Variants in EMG1 observed in about 807,000 individuals in gnomAD.
EMG1 encodes ribosomal RNA small subunit methyltransferase NEP1.
A neutral mutation model predicts 26.9 loss-of-function variants in EMG1; 24 were observed. The ratio of observed to expected loss-of-function variants is 0.89; its 90% CI spans 0.65 to 1.26. The LOEUF is 1.26. EMG1 is among the 50% of genes most tolerant of loss of function. EMG1 has a pLI of 0.00. For synonymous variants in EMG1, 140 were observed against 112.6 expected (o/e 1.24, Z -1.54); for missense variants, 299 against 307.6 (o/e 0.97, Z 0.21).
In EMG1 at chr12:6,978,709, G is replaced by A. The variant is rs782233584; in HGVS notation, c.*2900G>A. 1.7e-5 allele frequency: 27 copies of A among 1,612,880 alleles called. No homozygotes were observed. The highest frequency in any genetic ancestry group is 8.9e-5 in the East Asian group (4 of 44,890). ...GTGGTTCTTGAGGGAAGAAAGCACA[G>A]TGCATTAGGGATATCACATGACTAG... On this transcript the variant is annotated 3_prime_UTR_variant, in exon 6 of 6. Coordinates refer to ENST00000599672, the MANE Select transcript of EMG1 (RefSeq NM_006331.8).
At chr12:6,989,348 C>T (rs1946564745), downstream of EMG1, among the ~76,000 whole-genome samples, 1 of 143,028 alleles carries the variant, frequency 7.0e-6, no homozygotes, top group Non-Finnish European at 1.5e-5. Context: ...GAGTCTCTGT[C>T]GCCCAGGCTG....
Position 6,975,683 on chromosome 12 carries a change from G to C in EMG1, c.622-13G>C, listed in dbSNP as rs1555153056. 2.6e-6 allele frequency: 4 copies of C among 1,565,572 alleles called. No homozygotes were observed. Among genetic ancestry groups the C allele is most frequent in the South Asian group, 2.2e-5 (2 of 90,122 alleles). On this transcript the variant is annotated splice_polypyrimidine_tract_variant and intron_variant, in intron 5 of 5. Transcript: ENST00000599672. ...AGTGACAGAGTTGGCTGACAAAACTGTTCTTTTCTTAGGTCAGTGTGGAGT... is the reference window on the plus strand; with the variant it reads ...AGTGACAGAGTTGGCTGACAAAACTCTTCTTTTCTTAGGTCAGTGTGGAGT...
chr12:6,988,391 G>A (rs782609584), downstream of EMG1: 1 of 152,264 alleles, frequency 6.6e-6, no homozygotes, highest in Non-Finnish European at 1.5e-5. Flanking sequence ...TGACAACCCA[G>A]GCTGATTTTG....
Position 6,978,640 on chromosome 12 carries a change from A to T in EMG1, c.*2831A>T. ...ACAGGTGACATATTTGTACAGCACA[A>T]ACTTGCCCCAGATCAGCATGTACAT... On this transcript the variant is annotated 3_prime_UTR_variant, in exon 6 of 6. Transcript: ENST00000599672. 1 of 1,614,194 alleles carries T rather than the reference A, an allele frequency of 6.2e-7. No individual in the cohort carries two copies. The highest frequency in any genetic ancestry group is 1.1e-5 in the South Asian group (1 of 91,080).
intron 7 of EMG1, among the ~76,000 whole-genome samples, chr12:6,995,748 A>G (rs1946631065): frequency 6.6e-6 from 1 of 152,070 alleles, no homozygotes; most frequent in South Asian, 2.1e-4. Context: ...AGAAACCATC[A>G]ATAGCTCCCA....
chr12:6,982,566 G>C, downstream of EMG1: 1 of 753,848 alleles, frequency 1.3e-6, no homozygotes, highest in Non-Finnish European at 2.3e-6. Context: ...AGTGCTGGGA[G>C]AGGGGTTAGA....
intron 7 of EMG1, among the ~76,000 whole-genome samples, chr12:6,994,420 C>A (rs782358943): frequency 2.0e-5 from 3 of 152,108 alleles, no homozygotes; most frequent in Non-Finnish European, 4.4e-5. Context: ...GTTGGCCAGG[C>A]TAGTCTCGAA....
downstream of EMG1, chr12:6,980,021 CTTTTTTTT>C (rs34110645): frequency 8.1e-6 from 1 of 122,838 alleles, no homozygotes; most frequent in Admixed American, 8.1e-5. Context: ...GGCAATTAAA[CTTTTTTTT>C]TTTTTTTTTT....
In EMG1 at chr12:6,977,227, G is replaced by A. The variant is rs1254805876; in HGVS notation, c.*1418G>A. On this transcript the variant is annotated 3_prime_UTR_variant, in exon 6 of 6. Transcript: ENST00000599672. This position sits in a 1 kb window ranked among gnomAD's most constrained non-coding sequence, Gnocchi z 4.5. ...GCAATATGAATAGTAGGCTCAGGAA[G>A]AAGATGTGGCCAAGGAAATAGATGG... The A allele has an allele frequency of 6.2e-7, 1 of 1,613,932 alleles. No homozygotes were observed. Among genetic ancestry groups the A allele is most frequent in the Non-Finnish European group, 8.5e-7 (1 of 1,179,898 alleles).
rs782490860 is a variant in EMG1, at chr12:6,978,666, GC to G, written c.*2858del. On this transcript the variant is annotated 3_prime_UTR_variant, in exon 6 of 6. Transcript: ENST00000599672. ...ACTTGCCCCAGATCAGCATGTACAT[GC>G]AGCGGAACCAGAAGGGGTGGTTCTT... 9.9e-6 allele frequency: 16 copies of G among 1,614,060 alleles called. No homozygotes were observed.
At chr12:6,982,582 GGTCTGCTAATTTCTATACCACA>G, downstream of EMG1, 1 of 892,862 alleles carries the variant, frequency 1.1e-6, no homozygotes, top group Non-Finnish European at 1.8e-6. Context: ...TTAGAAATTA[GGTCTGCTAATTTCTATACCACA>G]GTCCCCTGCC....
In EMG1 at chr12:6,975,166, G is replaced by C. The variant is rs782134436; in HGVS notation, c.471+18G>C. On this transcript the variant is annotated intron_variant, in intron 4 of 5. Transcript: ENST00000599672. Reference sequence around the variant, plus strand: ...TTTTGAAGGTGAGGTATTGAAACCTGTTAGTTGAAGGCTGGTTCTGGGAAT... The same window carrying C: ...TTTTGAAGGTGAGGTATTGAAACCTCTTAGTTGAAGGCTGGTTCTGGGAAT... 16 of 1,614,014 alleles carry C rather than the reference G, an allele frequency of 9.9e-6. No individual in the cohort carries two copies. Among genetic ancestry groups the C allele is most frequent in the East Asian group, 2.2e-5 (1 of 44,890 alleles).
chr12:6,977,921 C>T lies in EMG1; in HGVS notation c.*2112C>T. 1.4e-6 allele frequency: 1 copy of T among 714,914 alleles called. No homozygotes were observed. Among genetic ancestry groups the T allele is most frequent in the South Asian group, 1.8e-5 (1 of 55,104 alleles). The allele number at this position is 714,914 out of a possible 1,614,324, so 44.3% of individuals were successfully genotyped here. ...ATTACTTTTAGAGATGGAAAGCAGA[C>T]CCAAGGCGGAGCTGGAGACCGTGTG... On this transcript the variant is annotated 3_prime_UTR_variant, in exon 6 of 6. Coordinates refer to ENST00000599672, the MANE Select transcript of EMG1 (RefSeq NM_006331.8). The surrounding 1 kb of genome is among the most constrained non-coding windows in gnomAD (Gnocchi z 4.5).
In EMG1 at chr12:6,977,134, C is replaced by T. The variant is rs60709620; in HGVS notation, c.*1325C>T. ...TTTTAGTTTAGCTGTATTAACTTAC[C>T]AGGGAAATGGATTATTCCATCTTCT... On this transcript the variant is annotated 3_prime_UTR_variant, in exon 6 of 6. Transcript: ENST00000599672. This position sits in a 1 kb window ranked among gnomAD's most constrained non-coding sequence, Gnocchi z 4.5. The T allele has an allele frequency of 2.6e-6, 4 of 1,547,418 alleles. No homozygotes were observed. The highest frequency in any genetic ancestry group is 3.6e-6 in the Non-Finnish European group (4 of 1,124,604).
chr12:6,970,915 T>C lies in EMG1; in HGVS notation c.-9T>C. 6.2e-7 allele frequency: 1 copy of C among 1,611,446 alleles called. No homozygotes were observed. The highest frequency in any genetic ancestry group is 8.5e-7 in the Non-Finnish European group (1 of 1,178,750). On this transcript the variant is annotated 5_prime_UTR_variant, in exon 1 of 6. Transcript: ENST00000599672. ...AGAGCGTTAGCGCAACTTCCGGTAT[T>C]GTTGCAAGATGGCCGCGCCCAGTGA...
At position 6,975,688 on chromosome 12, in the gene EMG1, T is replaced by G; in HGVS notation, c.622-8T>G. On this transcript the variant is annotated splice_polypyrimidine_tract_variant and splice_region_variant and intron_variant, in intron 5 of 5. Transcript: ENST00000599672. ...CAGAGTTGGCTGACAAAACTGTTCT[T>G]TTCTTAGGTCAGTGTGGAGTATACA... 1 of 1,585,082 alleles carries G rather than the reference T, an allele frequency of 6.3e-7. No individual in the cohort carries two copies. The highest frequency in any genetic ancestry group is 8.7e-7 in the Non-Finnish European group (1 of 1,153,468).
chr12:6,993,655 T>A (rs970137625), intron 7 of EMG1, among the ~76,000 whole-genome samples: 1 of 152,146 alleles, frequency 6.6e-6, no homozygotes, highest in East Asian at 1.9e-4. Flanking sequence ...GACCTTTGTG[T>A]CTGGCTTATT....
chr12:6,980,990 A>G, downstream of EMG1: 1 of 1,572,830 alleles, frequency 6.4e-7, no homozygotes. Flanking sequence ...ATCTGGACCA[A>G]GAGGGGCAAT....
In EMG1 at chr12:6,971,844, T is replaced by C. The variant is rs782154517; in HGVS notation, c.168+753T>C. ...TCTCTAATATCCACCTATGATACAC[T>C]GTCCAGACCTGGTTATTATTTAAAA... On this transcript the variant is annotated intron_variant, in intron 1 of 5. Transcript: ENST00000599672. Among the ~76,000 whole-genome samples the C allele has an allele frequency of 5.3e-5, 8 of 152,338 alleles. No homozygotes were observed. The South Asian group carries it at 1.7e-3, about 32-fold the overall frequency.
Sources: allele counts gnomAD v4.1 joint callset (sites outside exome capture counted in the v4.1 genomes callset), GRCh38; gene constraint gnomAD v4.1.1; non-coding constraint Gnocchi (gnomAD v3.1); transcripts MANE v1.5; gene names NCBI Gene and HGNC (gene_info 2026-07-23, HGNC 2026-07-21).